The following LRFN5 variants were observed in gnomAD, a reference collection of about 807,000 sequenced individuals.
The protein encoded by LRFN5 is leucine-rich repeat and fibronectin type-III domain-containing protein 5.
In LRFN5, 24 loss-of-function variants were observed where a neutral mutation model predicts 45.6. The ratio of observed to expected loss-of-function variants is 0.53; its 90% CI spans 0.38 to 0.74. The LOEUF is 0.74. Among genes scored for constraint, LRFN5 ranks in the 30% least tolerant of loss-of-function variants. LRFN5 has a pLI of 0.00. For synonymous variants in LRFN5, 340 were observed against 313.8 expected, an observed-to-expected ratio of 1.08 and a Z score of -0.88; for missense variants, 776 against 861.5, an observed-to-expected ratio of 0.90 and a Z score of 1.24.
At position 41,671,617 on chromosome 14, in the gene LRFN5, G is replaced by GTTTTTTTTTTTTTTTTTTTTTTTTTTTT. The variant is rs914212982; in HGVS notation, c.-197+63075_-197+63076insTTTTTTTTTTTTTTTTTTTTTTTTTTTT. Among the ~76,000 whole-genome samples the GTTTTTTTTTTTTTTTTTTTTTTTTTTTT allele has an allele frequency of 1.4e-4, 11 of 78,026 alleles. 5 individuals carry two copies. Among genetic ancestry groups the GTTTTTTTTTTTTTTTTTTTTTTTTTTTT allele is most frequent in the Non-Finnish European group, 1.8e-4 (8 of 43,612 alleles). 51.2% of individuals were successfully genotyped at this position (78,026 alleles called of 152,430 possible). ...TGTGGAGGAGAGATTTTTTTTTTTC[G>GTTTTTTTTTTTTTTTTTTTTTTTTTTTT]TTTTTTTTTTTTTTTTTTTTACGGA... On this transcript the variant is annotated intron_variant, in intron 1 of 5. Coordinates refer to ENST00000298119, the MANE Select transcript of LRFN5 (RefSeq NM_152447.5).
At chr14:41,804,918 T>C (rs1236907045) in intron 2 of LRFN5, among the ~76,000 whole-genome samples, 1 of 152,196 alleles carries the variant, frequency 6.6e-6, no homozygotes, top group Non-Finnish European at 1.5e-5. Context: ...ATTTCCTTTT[T>C]TTTGAAATGT....
At chr14:41,853,898 A>T (rs1447315977) in intron 2 of LRFN5, among the ~76,000 whole-genome samples, 1 of 152,054 alleles carries the variant, frequency 6.6e-6, no homozygotes, top group Non-Finnish European at 1.5e-5. Flanking sequence ...AACAACTATG[A>T]TTTACTGGTT....
intron 3 of LRFN5, among the ~76,000 whole-genome samples, chr14:41,890,579 C>CT (rs1890742359): frequency 6.6e-6 from 1 of 151,658 alleles, no homozygotes; most frequent in African/African-American, 2.4e-5. Context: ...TGGTGGCGGG[C>CT]GCCTGTAGTC....
chr14:41,706,849 G>A (rs1883087698), intron 1 of LRFN5, among the ~76,000 whole-genome samples: 1 of 152,166 alleles, frequency 6.6e-6, no homozygotes, highest in South Asian at 2.1e-4. Flanking sequence ...AAGAGATCTA[G>A]ATGTTAGCAG....
chr14:41,729,899 G>A (rs186586626), intron 1 of LRFN5, among the ~76,000 whole-genome samples: 3 of 151,868 alleles, frequency 2.0e-5, no homozygotes, highest in East Asian at 3.9e-4. Flanking sequence ...ATTTAAGAAA[G>A]CAACACTTTG....
At chr14:41,766,469 GCTAA>G (rs1191301618) in intron 1 of LRFN5, among the ~76,000 whole-genome samples, 1 of 152,128 alleles carries the variant, frequency 6.6e-6, no homozygotes, top group Non-Finnish European at 1.5e-5. Context: ...ACTGCCATAT[GCTAA>G]CTGTCATATG....
intron 1 of LRFN5, among the ~76,000 whole-genome samples, chr14:41,750,267 T>TTATA (rs60275061): frequency 0.02 from 2,823 of 144,138 alleles, 43 homozygotes; most frequent in African/African-American, 0.027. Context: ...GTAACTTTTC[T>TTATA]TATATATATA....
intron 1 of LRFN5, among the ~76,000 whole-genome samples, chr14:41,691,261 C>T (rs1882368075): frequency 1.3e-5 from 2 of 151,938 alleles, no homozygotes; most frequent in African/African-American, 4.8e-5. Flanking sequence ...CTACAAACTT[C>T]CTCATACAAT....
intron 1 of LRFN5, among the ~76,000 whole-genome samples, chr14:41,681,527 T>C (rs530823573): frequency 1.0e-3 from 154 of 152,156 alleles, no homozygotes; most frequent in African/African-American, 3.4e-3. Flanking sequence ...TATCCTATAA[T>C]AGTATATCCA....
At chr14:41,842,455 A>T (rs1039270162) in intron 2 of LRFN5, among the ~76,000 whole-genome samples, 2 of 152,118 alleles carry the variant, frequency 1.3e-5, no homozygotes, top group African/African-American at 4.8e-5. Context: ...CTGTTAAAAC[A>T]TGTTAGTTGT....
At chr14:41,634,248 T>G (rs936829537) in intron 1 of LRFN5, among the ~76,000 whole-genome samples, 1 of 152,154 alleles carries the variant, frequency 6.6e-6, no homozygotes, top group Non-Finnish European at 1.5e-5. Flanking sequence ...CCAATGAGCC[T>G]ATCTTTTCTT....
intron 1 of LRFN5, among the ~76,000 whole-genome samples, chr14:41,757,466 C>T (rs1885453243): frequency 6.6e-6 from 1 of 152,202 alleles, no homozygotes; most frequent in Non-Finnish European, 1.5e-5. Flanking sequence ...GTGGGCGCCC[C>T]TCCCCCAGCC....
intron 4 of LRFN5, among the ~76,000 whole-genome samples, chr14:41,895,949 A>AT (rs1380337799): frequency 1.3e-5 from 2 of 152,130 alleles, no homozygotes; most frequent in African/African-American, 4.8e-5. Context: ...GTCTCCAGAC[A>AT]TCTTTTTCTT....
chr14:41,867,136 A>G (rs571828608), intron 2 of LRFN5, among the ~76,000 whole-genome samples: 2 of 152,252 alleles, frequency 1.3e-5, no homozygotes, highest in South Asian at 4.1e-4. Context: ...GTATGGTATG[A>G]GAATATTTTC....
intron 2 of LRFN5, among the ~76,000 whole-genome samples, chr14:41,840,964 C>T (rs773912617): frequency 3.3e-5 from 5 of 151,552 alleles, no homozygotes; most frequent in African/African-American, 7.3e-5. Flanking sequence ...GTATGTATTA[C>T]GTATTTTAGT....
intron 2 of LRFN5, among the ~76,000 whole-genome samples, chr14:41,808,593 GGAAC>G (rs779746848): frequency 9.2e-4 from 128 of 139,250 alleles, no homozygotes; most frequent in African/African-American, 3.3e-3. Context: ...AAGGAAGGAA[GGAAC>G]GAAGGAAGGA....
chr14:41,691,293 A>G (rs903877226), intron 1 of LRFN5, among the ~76,000 whole-genome samples: 1 of 151,870 alleles, frequency 6.6e-6, no homozygotes, highest in Admixed American at 6.6e-5. Context: ...TATTCCTTAT[A>G]ATTTAAATTT....
At chr14:41,715,587 C>G (rs1027733843) in intron 1 of LRFN5, among the ~76,000 whole-genome samples, 1 of 152,104 alleles carries the variant, frequency 6.6e-6, no homozygotes, top group Admixed American at 6.5e-5. Flanking sequence ...AACAGAATAC[C>G]ACAGACTGGG....
chr14:41,713,012 A>G (rs1370649399), intron 1 of LRFN5, among the ~76,000 whole-genome samples: 1 of 152,156 alleles, frequency 6.6e-6, no homozygotes, highest in African/African-American at 2.4e-5. Flanking sequence ...TGGTATTAAC[A>G]AGGAAATATT....
Sources: allele counts gnomAD v4.1 joint callset (sites outside exome capture counted in the v4.1 genomes callset), GRCh38; gene constraint gnomAD v4.1.1; transcripts MANE v1.5; gene names NCBI Gene and HGNC (gene_info 2026-07-23, HGNC 2026-07-21).